Variants in RCSD1 observed in about 807,000 individuals in gnomAD.
The protein encoded by RCSD1 is RCSD domain containing 1.
Under a neutral mutation model 42.5 loss-of-function variants are expected in RCSD1, and 26 were observed. The ratio of observed to expected loss-of-function variants is 0.61; its 90% CI spans 0.45 to 0.85. The LOEUF (loss-of-function observed/expected upper bound fraction) is 0.85, where lower values mean the gene tolerates loss of function less well. RCSD1 is among the 40% of genes least tolerant of loss of function. The pLI is 0.00. For missense variants in RCSD1, 571 were observed against 528.3 expected (o/e 1.08, Z -0.79); for synonymous variants, 220 against 212.2 (o/e 1.04, Z -0.32).
intron 1 of RCSD1, among the ~76,000 whole-genome samples, chr1:167,639,655 G>C (rs1657956376): frequency 2.0e-5 from 3 of 152,184 alleles, no homozygotes; most frequent in African/African-American, 2.4e-5. Context: ...ACTGTGCTCA[G>C]CTAATTTTTG....
chr1:167,630,340 C>G lies in RCSD1; in HGVS notation c.-84C>G, dbSNP rs1657663135. The G allele has an allele frequency of 7.5e-7, 1 of 1,335,384 alleles. No individual in the cohort carries two copies. Among genetic ancestry groups the G allele is most frequent in the African/African-American group, 1.5e-5 (1 of 66,486 alleles). The allele number at this position is 1,335,384 out of a possible 1,614,324, so 82.7% of individuals were successfully genotyped here. ...CGCCGCAGCCCGAAACTGGCCACGG[C>G]CGGGAGCGGAGGGGACAGCGGGGAT... is the stretch of plus-strand genomic sequence containing the variant. On this transcript the variant is annotated 5_prime_UTR_variant, in exon 1 of 7. Coordinates refer to ENST00000367854, the MANE Select transcript of RCSD1 (RefSeq NM_052862.4).
chr1:167,701,925 G>T (rs1047525007), intron 6 of RCSD1, among the ~76,000 whole-genome samples: 2 of 152,172 alleles, frequency 1.3e-5, no homozygotes, highest in South Asian at 2.1e-4. Context: ...TCTGTCCCAG[G>T]TCTTTCCTGG....
chr1:167,691,164 C>T (rs947612663), intron 4 of RCSD1, among the ~76,000 whole-genome samples: 1 of 152,142 alleles, frequency 6.6e-6, no homozygotes, highest in African/African-American at 2.4e-5. Flanking sequence ...CAGCAGCATC[C>T]CTTTCCCACC....
intron 1 of RCSD1, among the ~76,000 whole-genome samples, chr1:167,640,914 A>AT: frequency 6.6e-6 from 1 of 152,060 alleles, no homozygotes; most frequent in East Asian, 1.9e-4. Flanking sequence ...CCTGCTATCC[A>AT]TATAAAGGTA....
At chr1:167,703,039 C>A (rs1659680064) in intron 6 of RCSD1, among the ~76,000 whole-genome samples, 1 of 152,168 alleles carries the variant, frequency 6.6e-6, no homozygotes, top group Non-Finnish European at 1.5e-5. Flanking sequence ...ATTTGAAATT[C>A]TTTTCTCCCT....
chr1:167,656,195 A>T (rs1056678530), intron 1 of RCSD1, among the ~76,000 whole-genome samples: 1 of 152,192 alleles, frequency 6.6e-6, no homozygotes, highest in Admixed American at 6.5e-5. Flanking sequence ...GGGGTTGAGT[A>T]GCTGCTGAGG....
At chr1:167,649,120 G>A (rs1319686749) in intron 1 of RCSD1, among the ~76,000 whole-genome samples, 1 of 152,128 alleles carries the variant, frequency 6.6e-6, no homozygotes, top group Non-Finnish European at 1.5e-5. Context: ...AGGGGCTGGG[G>A]GAAAGAAAGA....
chr1:167,661,260 T>C (rs1226970225), intron 1 of RCSD1, among the ~76,000 whole-genome samples: 1 of 152,232 alleles, frequency 6.6e-6, no homozygotes, highest in Middle Eastern at 3.2e-3. Flanking sequence ...ATAGGTAGCT[T>C]GTCCAGGGTC....
intron 1 of RCSD1, among the ~76,000 whole-genome samples, chr1:167,658,786 C>T (rs941580836): frequency 6.6e-6 from 1 of 152,020 alleles, no homozygotes; most frequent in African/African-American, 2.4e-5. Flanking sequence ...GGGCCATAAA[C>T]CATTTCCCTT....
intron 1 of RCSD1, among the ~76,000 whole-genome samples, chr1:167,639,172 A>G (rs561757607): frequency 1.1e-4 from 17 of 152,162 alleles, no homozygotes; most frequent in Non-Finnish European, 2.4e-4. Flanking sequence ...AGCAGAGATC[A>G]CGCCACTGCA....
chr1:167,652,099 G>A (rs1243269898), intron 1 of RCSD1, among the ~76,000 whole-genome samples: 2 of 144,028 alleles, frequency 1.4e-5, no homozygotes, highest in African/African-American at 5.2e-5. Context: ...TCAGCTCACT[G>A]CAATCTCTGC....
chr1:167,631,462 TC>T (rs1269848320), intron 1 of RCSD1, among the ~76,000 whole-genome samples: 2 of 152,218 alleles, frequency 1.3e-5, no homozygotes, highest in Non-Finnish European at 2.9e-5. Flanking sequence ...CGCTCCAGGC[TC>T]TGTGCCTGGG....
chr1:167,695,810 C>T (rs966697444), intron 5 of RCSD1, among the ~76,000 whole-genome samples: 3 of 152,166 alleles, frequency 2.0e-5, no homozygotes, highest in Non-Finnish European at 4.4e-5. Flanking sequence ...CGGGCACCAC[C>T]ACACCCAGCC....
chr1:167,639,019 C>A (rs57309012), intron 1 of RCSD1, among the ~76,000 whole-genome samples: 7 of 152,010 alleles, frequency 4.6e-5, no homozygotes, highest in Non-Finnish European at 1.0e-4. Context: ...AGATTGAGAC[C>A]ATCCTGGCTA....
At chr1:167,657,169 T>C (rs1658442355) in intron 1 of RCSD1, among the ~76,000 whole-genome samples, 1 of 152,392 alleles carries the variant, frequency 6.6e-6, no homozygotes, top group Non-Finnish European at 1.5e-5. Context: ...TCTATAGATG[T>C]TGATTCCTGT....
At chr1:167,702,235 CA>C (rs1659660607) in intron 6 of RCSD1, among the ~76,000 whole-genome samples, 1 of 152,154 alleles carries the variant, frequency 6.6e-6, no homozygotes. Flanking sequence ...CGAGAGAAAA[CA>C]GGGGAAAGTT....
chr1:167,652,018 C>CTTT (rs66622527), intron 1 of RCSD1, among the ~76,000 whole-genome samples: 24,983 of 107,676 alleles, frequency 0.23, 3,146 homozygotes, highest in Non-Finnish European at 0.31. Context: ...CTCTGTTCAT[C>CTTT]TTTTTTTTTT....
chr1:167,685,887 A>C (rs1659222260), intron 3 of RCSD1, among the ~76,000 whole-genome samples: 1 of 152,144 alleles, frequency 6.6e-6, no homozygotes, highest in Admixed American at 6.5e-5. Context: ...TGGAGAAGGT[A>C]CCTGGAAAGG....
chr1:167,642,440 A>G (rs1030991860), intron 1 of RCSD1, among the ~76,000 whole-genome samples: 2 of 152,264 alleles, frequency 1.3e-5, no homozygotes, highest in African/African-American at 4.8e-5. Flanking sequence ...AATGTTTTCA[A>G]TGATGTCAGC....
Sources: gnomAD v4.1 joint callset for allele counts (sites outside exome capture counted in the v4.1 genomes callset) on GRCh38, gnomAD v4.1.1 for gene constraint, MANE v1.5 for transcripts, NCBI Gene and HGNC (gene_info 2026-07-23, HGNC 2026-07-21) for gene names.